Variants in CHRDL2 observed in about 807,000 individuals in gnomAD.
CHRDL2 encodes chordin like 2, also known as chordin-like protein 2.
Under a neutral mutation model 54.3 loss-of-function variants are expected in CHRDL2, and 41 were observed. That is an observed-to-expected ratio of 0.76 (90% CI 0.59 to 0.98). The LOEUF is 0.98. CHRDL2 is among the 50% of genes least tolerant of loss of function. The pLI is 0.00. For missense variants in CHRDL2, 518 were observed against 562.4 expected (o/e 0.92, Z 0.80); for synonymous variants, 220 against 224.3 (o/e 0.98, Z 0.17).
chr11:74,729,347 G>A (rs138624878), intron 1 of CHRDL2, among the ~76,000 whole-genome samples: 1 of 152,312 alleles, frequency 6.6e-6, no homozygotes, highest in African/African-American at 2.4e-5. Context: ...ACTTTAATCC[G>A]TTACCTCCTT....
chr11:74,729,554 G>A (rs2034621051), intron 1 of CHRDL2, among the ~76,000 whole-genome samples: 1 of 152,204 alleles, frequency 6.6e-6, no homozygotes, highest in Non-Finnish European at 1.5e-5. Flanking sequence ...TCATGCTGCT[G>A]GCAGGCCAGA....
intron 1 of CHRDL2, among the ~76,000 whole-genome samples, chr11:74,730,280 T>C (rs2034631501): frequency 6.6e-6 from 1 of 152,166 alleles, no homozygotes; most frequent in African/African-American, 2.4e-5. Flanking sequence ...TTGGATGGCT[T>C]ACCCGCTCTG....
In CHRDL2 at chr11:74,714,584, A is replaced by G. The variant is rs138236544; in HGVS notation, c.196-1105T>C. ...ACTGCTTCCCAAGATGGCCAGAGGT[A>G]ATCGCGAGAACTAGTCAGTGTTAAG... On this transcript the variant is annotated intron_variant, in intron 2 of 10. Coordinates refer to ENST00000376332, the MANE Select transcript of CHRDL2 (RefSeq NM_001278473.3). Among the ~76,000 whole-genome samples, 502 of 152,358 alleles carry G rather than the reference A, an allele frequency of 3.3e-3. 3 individuals are homozygous for G. Among genetic ancestry groups the G allele is most frequent in the African/African-American group, 0.011 (475 of 41,582 alleles).
At chr11:74,701,699 G>A in intron 9 of CHRDL2, 1 of 676,046 alleles carries the variant, frequency 1.5e-6, no homozygotes, top group Non-Finnish European at 2.8e-6. Context: ...AGGATCAAAT[G>A]AGATAGTGAA....
chr11:74,698,516 G>A (rs1591345454), intron 9 of CHRDL2: 1 of 152,176 alleles, frequency 6.6e-6, no homozygotes, highest in Non-Finnish European at 1.5e-5. Context: ...TGTTTCTAAT[G>A]TGCTCTCATT....
chr11:74,710,959 G>A lies in CHRDL2; in HGVS notation c.322C>T (p.Pro108Ser). The stretch of plus-strand genomic sequence containing the variant: ...GTCCCGTTGTGCTGGCAGGACTTTG[G>A]TGGGGCCCGGAGTCCAGAGGGAGTG... ...PHTPSGLRAP[P>S]KSCQHNGTMY... The change falls in exon 4 of 11, where the codon CCA becomes TCA. Residue 108 changes from proline (P) to serine (S), a missense_variant. Transcript: ENST00000376332. 7 of 1,614,164 alleles carry A rather than the reference G, an allele frequency of 4.3e-6. No homozygotes were observed. The highest frequency in any genetic ancestry group is 5.1e-6 in the Non-Finnish European group (6 of 1,180,018).
intron 9 of CHRDL2, among the ~76,000 whole-genome samples, chr11:74,700,146 T>C (rs753272451): frequency 6.6e-5 from 10 of 152,224 alleles, no homozygotes; most frequent in Non-Finnish European, 1.2e-4. Context: ...AGTAAGTCAT[T>C]TGACCTCTCA....
At chr11:74,720,999 A>G (rs1565158465) in intron 1 of CHRDL2, among the ~76,000 whole-genome samples, 1 of 152,200 alleles carries the variant, frequency 6.6e-6, no homozygotes, top group African/African-American at 2.4e-5. Context: ...GAGTAGGAAC[A>G]CATGGCTTAG....
At chr11:74,708,244 G>A in intron 5 of CHRDL2, 58 bp downstream of exon 5, 2 of 1,253,206 alleles carry the variant, frequency 1.6e-6, no homozygotes, top group Non-Finnish European at 2.2e-6. Flanking sequence ...ACAGTCCATG[G>A]CTAGGCCCAT....
At chr11:74,700,640 A>ATTTTTT (rs1454728912) in intron 9 of CHRDL2, among the ~76,000 whole-genome samples, 7 of 141,586 alleles carry the variant, frequency 4.9e-5, no homozygotes, top group African/African-American at 1.6e-4. Flanking sequence ...TATTATTATT[A>ATTTTTT]TTATTTTTTT....
At chr11:74,723,521 T>C (rs971612860) in intron 1 of CHRDL2, among the ~76,000 whole-genome samples, 1 of 152,234 alleles carries the variant, frequency 6.6e-6, no homozygotes, top group Admixed American at 6.5e-5. Flanking sequence ...TCCTTATTAA[T>C]TGAGAACTTT....
At chr11:74,708,216 C>A (rs1057234528) in intron 5 of CHRDL2, 86 bp downstream of exon 5, 2 of 911,284 alleles carry the variant, frequency 2.2e-6, no homozygotes, top group South Asian at 1.9e-5. Flanking sequence ...GTGTCACCTG[C>A]AGTTCCTCAC....
At chr11:74,701,750 G>T in intron 9 of CHRDL2, 1 of 541,252 alleles carries the variant, frequency 1.8e-6, no homozygotes, top group Non-Finnish European at 3.4e-6. Flanking sequence ...TACACACATT[G>T]GTTATTATTA....
At chr11:74,719,004 G>A (rs553539992) in intron 1 of CHRDL2, 172 bp from the exon 2 acceptor site, 2 of 590,512 alleles carry the variant, frequency 3.4e-6, no homozygotes, top group East Asian at 5.6e-5. Context: ...GAAGGTCTGA[G>A]TTTGAATCTC....
At chr11:74,697,086 C>T (rs534641014) in intron 10 of CHRDL2, 119 bp downstream of exon 10, 25 of 714,982 alleles carry the variant, frequency 3.5e-5, no homozygotes, top group Admixed American at 1.3e-4. Context: ...TGGGAACTGA[C>T]GTCTGTGGCT....
At chr11:74,712,266 G>A (rs770353598) in intron 3 of CHRDL2, among the ~76,000 whole-genome samples, 2 of 152,132 alleles carry the variant, frequency 1.3e-5, no homozygotes, top group Admixed American at 1.3e-4. Context: ...CAGCCGGGGA[G>A]GAATGGCCAG....
intron 1 of CHRDL2, among the ~76,000 whole-genome samples, chr11:74,719,928 G>A (rs939597509): frequency 3.9e-4 from 59 of 151,978 alleles, no homozygotes; most frequent in Admixed American, 2.0e-4. Flanking sequence ...TCTGCCTCCC[G>A]CCCTATCCTC....
rs572956800 is a variant in CHRDL2 at position 74,731,136 on chromosome 11, A to C, written c.-248T>G. ...AAAGGAGGGAGAGATGGAGAGACGA[A>C]GGAAGGTCCAGCAGAAGGGAGAGGC... On this transcript the variant is annotated 5_prime_UTR_variant, in exon 1 of 11. Coordinates refer to ENST00000376332, the MANE Select transcript of CHRDL2 (RefSeq NM_001278473.3). The surrounding 1 kb of genome is among the most constrained non-coding windows in gnomAD (Gnocchi z 4.4). 2 of 526,494 alleles carry C rather than the reference A, an allele frequency of 3.8e-6. No individual in the cohort carries two copies. The highest frequency in any genetic ancestry group is 4.7e-5 in the South Asian group (2 of 42,470). The allele number at this position is 526,494 out of a possible 1,614,324, so 32.6% of individuals were successfully genotyped here. A position where few individuals can be genotyped will look rare whatever the true frequency, so the allele number is the denominator to read the frequency against.
rs1297443153 is a variant in CHRDL2 at position 74,704,568 on chromosome 11, C to A, written c.669G>T (p.Leu223=). The change falls in exon 7 of 11, where the codon CTG becomes CTT. Residue 223 remains leucine (L), a synonymous_variant. Transcript: ENST00000376332. ...TPAPTGLSAP[L]SFIPRHFRPK... ...GTCTGAAGTGGCGAGGGATGAAGCT[C>A]AGAGGGGCGCTGAGGCCAGTGGGGG... The A allele has an allele frequency of 6.3e-7, 1 of 1,587,030 alleles. No homozygotes were observed.
Sources: allele counts gnomAD v4.1 joint callset (sites outside exome capture counted in the v4.1 genomes callset), GRCh38; gene constraint gnomAD v4.1.1; non-coding constraint Gnocchi (gnomAD v3.1); transcripts MANE v1.5; gene names NCBI Gene and HGNC (gene_info 2026-07-23, HGNC 2026-07-21).